Variants in TTC17 observed in about 807,000 individuals in gnomAD.
TTC17 encodes the protein tetratricopeptide repeat domain 17, also known as tetratricopeptide repeat protein 17.
Under a neutral mutation model 143.8 loss-of-function variants are expected in TTC17, and 58 were observed. The observed-to-expected ratio is 0.40, with a 90% CI of 0.33 to 0.50. The LOEUF is 0.50. Ranked by LOEUF, TTC17 falls within the 20% of genes least tolerant of loss-of-function variation. TTC17 has a pLI of 0.49. For synonymous variants in TTC17, 501 were observed against 497.8 expected (o/e 1.01, Z -0.09); for missense variants, 1,273 against 1,392.5 (o/e 0.91, Z 1.37).
intron 21 of TTC17, among the ~76,000 whole-genome samples, chr11:43,477,594 C>G (rs377546407): frequency 7.9e-5 from 12 of 152,128 alleles, no homozygotes; most frequent in East Asian, 5.8e-4. Flanking sequence ...CCCATCAGAT[C>G]TCATGAGACT....
chr11:43,473,882 C>CAAAAAAAAA (rs781437584), intron 21 of TTC17, among the ~76,000 whole-genome samples: 1 of 60,672 alleles, frequency 1.6e-5, no homozygotes. Context: ...GACTCTGTCT[C>CAAAAAAAAA]AAAAAAAAAA....
At chr11:43,412,981 G>GACAT (rs1011505049) in intron 15 of TTC17, among the ~76,000 whole-genome samples, 2 of 140,386 alleles carry the variant, frequency 1.4e-5, no homozygotes, top group African/African-American at 5.3e-5. Flanking sequence ...ACCTAGAATA[G>GACAT]ACACACACAC....
At chr11:43,366,142 G>C (rs1856333241) in intron 1 of TTC17, among the ~76,000 whole-genome samples, 1 of 151,832 alleles carries the variant, frequency 6.6e-6, no homozygotes, top group Non-Finnish European at 1.5e-5. Flanking sequence ...AAATCTAGTT[G>C]TCTTTAATTC....
At chr11:43,466,321 G>A (rs1947971685) in intron 21 of TTC17, 1 of 153,276 alleles carries the variant, frequency 6.5e-6, no homozygotes, top group Admixed American at 6.5e-5. Flanking sequence ...GTGCACTGTT[G>A]GTGGGAATAT....
At chr11:43,401,705 A>G in intron 10 of TTC17, 147 bp downstream of exon 10, 1 of 589,556 alleles carries the variant, frequency 1.7e-6, no homozygotes. Context: ...GAGGCTGGGC[A>G]CAGTGGCTCA....
chr11:43,430,707 A>ACGCG (rs1364810127), intron 16 of TTC17, among the ~76,000 whole-genome samples: 2 of 111,718 alleles, frequency 1.8e-5, no homozygotes, highest in African/African-American at 6.5e-5. Flanking sequence ...CCCTACATAC[A>ACGCG]CGCACACACA....
chr11:43,449,274 C>G (rs534114763), intron 19 of TTC17: 2 of 152,546 alleles, frequency 1.3e-5, no homozygotes, highest in Non-Finnish European at 2.9e-5. Flanking sequence ...TGCCCTCTCT[C>G]CTGCCAGGGC....
At chr11:43,435,542 T>G (rs1313487122) in intron 16 of TTC17, 1 of 152,236 alleles carries the variant, frequency 6.6e-6, no homozygotes, top group Non-Finnish European at 1.5e-5. Context: ...AAAGTCGCCA[T>G]AGAGGTCATT....
intron 10 of TTC17, among the ~76,000 whole-genome samples, chr11:43,403,647 G>A (rs997224637): frequency 6.9e-6 from 1 of 145,378 alleles, no homozygotes; most frequent in African/African-American, 2.5e-5. Flanking sequence ...AGAGTGGTGA[G>A]CATTTTAGTG....
rs752517562 is a variant in TTC17 at position 43,392,626 on chromosome 11, C to T, written c.663+674C>T. On this transcript the variant is annotated intron_variant, in intron 5 of 23. Transcript: ENST00000039989. ...TGAGAGGAATTTTCAGATAAAAGTCCGATAATAACTTGACTTTCAGATGCT... is the reference window on the plus strand; with the variant it reads ...TGAGAGGAATTTTCAGATAAAAGTCTGATAATAACTTGACTTTCAGATGCT... Among the ~76,000 whole-genome samples the T allele has an allele frequency of 3.3e-4, 50 of 152,008 alleles. 1 individual carries two copies. The highest frequency in any genetic ancestry group is 1.0e-4 in the Non-Finnish European group (7 of 68,012).
At chr11:43,433,448 TCTC>T (rs937680465) in intron 16 of TTC17, among the ~76,000 whole-genome samples, 7 of 152,142 alleles carry the variant, frequency 4.6e-5, no homozygotes, top group South Asian at 2.1e-4. Context: ...TTCCTCCTGT[TCTC>T]CTCCCGATTC....
intron 2 of TTC17, among the ~76,000 whole-genome samples, chr11:43,379,703 A>T (rs550770067): frequency 6.6e-5 from 10 of 152,334 alleles, no homozygotes; most frequent in African/African-American, 2.2e-4. Flanking sequence ...TTAATAGCCT[A>T]AAAATGTAAT....
At chr11:43,395,812 T>C (rs1386392310) in intron 5 of TTC17, among the ~76,000 whole-genome samples, 4 of 152,194 alleles carry the variant, frequency 2.6e-5, no homozygotes, top group Admixed American at 6.5e-5. Flanking sequence ...ACTGAAAATC[T>C]ATAAAAGAAA....
intron 16 of TTC17, among the ~76,000 whole-genome samples, chr11:43,417,605 G>A (rs1016043851): frequency 6.6e-6 from 1 of 152,180 alleles, no homozygotes; most frequent in African/African-American, 2.4e-5. Flanking sequence ...GGAGACCAAG[G>A]TAGGTGGATC....
intron 3 of TTC17, among the ~76,000 whole-genome samples, chr11:43,390,846 G>GT: frequency 6.6e-6 from 1 of 152,176 alleles, no homozygotes; most frequent in South Asian, 2.1e-4. Flanking sequence ...ATAGTAACTG[G>GT]TAAAAATGTA....
At chr11:43,411,809 T>C (rs2134611485) in intron 15 of TTC17, among the ~76,000 whole-genome samples, 1 of 152,312 alleles carries the variant, frequency 6.6e-6, no homozygotes, top group South Asian at 2.1e-4. Context: ...TACTAAGTAA[T>C]AGTTTGAATG....
At chr11:43,451,845 G>T (rs1453180882) in intron 21 of TTC17, among the ~76,000 whole-genome samples, 1 of 152,062 alleles carries the variant, frequency 6.6e-6, no homozygotes, top group African/African-American at 2.4e-5. Flanking sequence ...ATATTAAAGA[G>T]CTAATTTAAC....
chr11:43,476,813 C>A (rs1948192438), intron 21 of TTC17, among the ~76,000 whole-genome samples: 1 of 151,606 alleles, frequency 6.6e-6, no homozygotes, highest in Non-Finnish European at 1.5e-5. Context: ...CTGGAGACAT[C>A]TTCCCCATGG....
rs769290234 is a variant in TTC17, at chr11:43,389,697, A to G, written c.295A>G (p.Arg99Gly). The change falls in exon 3 of 24, where the codon AGA (arginine) becomes GGA (glycine). Residue 99 changes from arginine to glycine, a missense_variant. This residue lies in a region of TTC17 where 325 missense variants were observed against 444.2 expected (regional missense o/e 0.73). Transcript: ENST00000039989. ...AATTCACATAGAAGAGAATGAGGAC[A>G]GAGACACAGGACTGGAACAGAGACA... ...QKIHIEENEDRDTGLEQRHNK... is the reference protein window; with the variant it reads ...QKIHIEENEDGDTGLEQRHNK... 2.5e-6 allele frequency: 4 copies of G among 1,613,414 alleles called. No individual in the cohort carries two copies. The highest frequency in any genetic ancestry group is 1.1e-5 in the South Asian group (1 of 90,952).
Sources: allele counts gnomAD v4.1 joint callset (sites outside exome capture counted in the v4.1 genomes callset), GRCh38; gene constraint gnomAD v4.1.1; regional missense constraint gnomAD v4.1.1; transcripts MANE v1.5; gene names NCBI Gene and HGNC (gene_info 2026-07-23, HGNC 2026-07-21).